The following PSMA8 variants were observed in gnomAD, a reference collection of about 807,000 sequenced individuals.
PSMA8 encodes the protein proteasome subunit alpha-type 8.
Under a neutral mutation model 32.4 loss-of-function variants are expected in PSMA8, and 18 were observed. The ratio of observed to expected loss-of-function variants is 0.56; its 90% CI spans 0.38 to 0.82. The LOEUF (loss-of-function observed/expected upper bound fraction) is 0.82. Ranked by LOEUF, PSMA8 falls within the 40% of genes least tolerant of loss-of-function variation. PSMA8 has a pLI of 0.00. For synonymous variants in PSMA8, 104 were observed against 98.1 expected, an observed-to-expected ratio of 1.06 and a Z score of -0.36; for missense variants, 298 against 300.7, an observed-to-expected ratio of 0.99 and a Z score of 0.07.
intron 4 of PSMA8, among the ~76,000 whole-genome samples, chr18:26,166,856 T>C (rs1282468650): frequency 1.3e-5 from 2 of 152,234 alleles, no homozygotes; most frequent in East Asian, 1.9e-4. Flanking sequence ...ATTATAATTT[T>C]GGAAAACATG....
chr18:26,142,036 A>ATT (rs2054961999), intron 1 of PSMA8, among the ~76,000 whole-genome samples: 7 of 128,054 alleles, frequency 5.5e-5, no homozygotes, highest in African/African-American at 2.6e-4. Flanking sequence ...CAATAATGCT[A>ATT]ATTTTTTTTT....
chr18:26,163,689 G>A (rs1341422650), intron 4 of PSMA8, among the ~76,000 whole-genome samples: 2 of 152,140 alleles, frequency 1.3e-5, no homozygotes, highest in South Asian at 2.1e-4. Flanking sequence ...ATCTTGTAGG[G>A]CTAGAAAGCC....
At chr18:26,142,612 A>G (rs1485349824) in intron 1 of PSMA8, among the ~76,000 whole-genome samples, 1 of 152,214 alleles carries the variant, frequency 6.6e-6, no homozygotes, top group Non-Finnish European at 1.5e-5. Flanking sequence ...TTGAGCTGCT[A>G]AAACAAAAGA....
chr18:26,133,903 C>A lies in PSMA8; in HGVS notation c.-63C>A. ...CGGTAGCACGCTGTGTTGGCGGCGG[C>A]TCCCCGCTTGCCTCAGCTGCAGCAG... On this transcript the variant is annotated 5_prime_UTR_variant, in exon 1 of 7. Coordinates refer to ENST00000415576, the MANE Select transcript of PSMA8 (RefSeq NM_001025096.2). 7.0e-7 allele frequency: 1 copy of A among 1,428,312 alleles called. No individual in the cohort carries two copies. The highest frequency in any genetic ancestry group is 9.8e-7 in the Non-Finnish European group (1 of 1,016,000). The allele number at this position is 1,428,312 out of a possible 1,614,324, so 88.5% of individuals were successfully genotyped here. A position where few individuals can be genotyped will look rare whatever the true frequency, so the allele number is the denominator to read the frequency against.
Position 26,145,491 on chromosome 18 carries a change from T to C in PSMA8, c.229+806T>C, listed in dbSNP as rs545101711. Among the ~76,000 whole-genome samples, 3 of 152,336 alleles carry C rather than the reference T, an allele frequency of 2.0e-5. No individual in the cohort carries two copies. In the East Asian group the frequency reaches 5.8e-4, roughly 29 times the overall value. On this transcript the variant is annotated intron_variant, in intron 2 of 6. Coordinates refer to ENST00000415576, the MANE Select transcript of PSMA8 (RefSeq NM_001025096.2). ...CATCACCACACTCAAGATACATAAC[T>C]CTTCCATCACCACAAGACTACCTCA...
chr18:26,162,207 C>T (rs2055140982), intron 4 of PSMA8, among the ~76,000 whole-genome samples: 2 of 152,072 alleles, frequency 1.3e-5, no homozygotes, highest in Non-Finnish European at 2.9e-5. Flanking sequence ...TTTCAATATA[C>T]AGTACGTTAT....
intron 6 of PSMA8, among the ~76,000 whole-genome samples, chr18:26,183,474 C>T (rs1381654421): frequency 6.6e-6 from 1 of 150,606 alleles, no homozygotes; most frequent in African/African-American, 2.5e-5. Context: ...TTATGAATGA[C>T]TTTCAGGAGT....
intron 1 of PSMA8, among the ~76,000 whole-genome samples, chr18:26,143,617 C>G (rs780543505): frequency 5.3e-5 from 8 of 152,110 alleles, no homozygotes; most frequent in Non-Finnish European, 5.9e-5. Flanking sequence ...GTAGGAGATG[C>G]TCTTTAAAAT....
chr18:26,188,019 T>A (rs1264972189), intron 6 of PSMA8, among the ~76,000 whole-genome samples: 1 of 152,000 alleles, frequency 6.6e-6, no homozygotes, highest in African/African-American at 2.4e-5. Flanking sequence ...TTTTCAAGGA[T>A]AGACCATATT....
At chr18:26,190,810 T>C (rs1229368320) in intron 6 of PSMA8, among the ~76,000 whole-genome samples, 1 of 152,194 alleles carries the variant, frequency 6.6e-6, no homozygotes, top group Non-Finnish European at 1.5e-5. Flanking sequence ...CTTCCCCAAG[T>C]AATACCACAT....
At chr18:26,158,746 T>C (rs898582039) in intron 4 of PSMA8, among the ~76,000 whole-genome samples, 12 of 152,196 alleles carry the variant, frequency 7.9e-5, no homozygotes, top group African/African-American at 2.9e-4. Context: ...GGATAAGCTG[T>C]TATTCTTGTT....
chr18:26,141,498 T>C (rs2144271955), intron 1 of PSMA8, among the ~76,000 whole-genome samples: 1 of 152,238 alleles, frequency 6.6e-6, no homozygotes, highest in East Asian at 1.9e-4. Context: ...TAATATATGT[T>C]AAATTGTTAC....
intron 4 of PSMA8, among the ~76,000 whole-genome samples, chr18:26,172,138 G>C (rs919520142): frequency 1.3e-5 from 2 of 152,174 alleles, no homozygotes; most frequent in Non-Finnish European, 2.9e-5. Context: ...CTGAAAAACA[G>C]AGCCTTGTCT....
intron 1 of PSMA8, among the ~76,000 whole-genome samples, chr18:26,135,946 C>A (rs1007248050): frequency 2.6e-5 from 4 of 152,176 alleles, no homozygotes; most frequent in Non-Finnish European, 5.9e-5. Context: ...GGTGCTGTGA[C>A]CTTTTACATA....
chr18:26,190,482 C>T (rs1404497041), intron 6 of PSMA8, among the ~76,000 whole-genome samples: 1 of 152,186 alleles, frequency 6.6e-6, no homozygotes, highest in East Asian at 1.9e-4. Context: ...GGCGCAGTGG[C>T]TCATGCCTGT....
rs1006804468 is a variant in PSMA8 at position 26,178,718 on chromosome 18, G to A, written c.478-112G>A. 1.3e-5 allele frequency: 12 copies of A among 893,950 alleles called. No homozygotes were observed. The African/African-American group carries it at 1.5e-4, about 11-fold the overall frequency. 55.4% of individuals were successfully genotyped at this position (893,950 alleles called of 1,614,324 possible). On this transcript the variant is annotated intron_variant, in intron 4 of 6. Transcript: ENST00000415576. ...TTTTCAAATCTGTAATTTTCATTTG[G>A]TAATTTTATTAAGGTATACTGGAGT...
At chr18:26,184,530 T>C (rs2055336979) in intron 6 of PSMA8, among the ~76,000 whole-genome samples, 1 of 150,068 alleles carries the variant, frequency 6.7e-6, no homozygotes, top group South Asian at 2.1e-4. Context: ...CTCAGCACTT[T>C]GGGAGGCTGA....
intron 4 of PSMA8, chr18:26,171,352 A>C: frequency 7.2e-7 from 1 of 1,395,524 alleles, no homozygotes. Context: ...TTTGGCGCGA[A>C]ATTGTCGGTA....
At chr18:26,143,519 T>C (rs2054976148) in intron 1 of PSMA8, among the ~76,000 whole-genome samples, 1 of 152,154 alleles carries the variant, frequency 6.6e-6, no homozygotes, top group South Asian at 2.1e-4. Context: ...ATAATAATCA[T>C]ACAGATGCAC....
Sources: gnomAD v4.1 joint callset for allele counts (sites outside exome capture counted in the v4.1 genomes callset) on GRCh38, gnomAD v4.1.1 for gene constraint, MANE v1.5 for transcripts, NCBI Gene and HGNC (gene_info 2026-07-23, HGNC 2026-07-21) for gene names.